The following VPS13B variants were observed in gnomAD, a reference collection of about 807,000 sequenced individuals.
VPS13B encodes vacuolar protein sorting 13 homolog B, also known as intermembrane lipid transfer protein VPS13B.
In VPS13B, 285 loss-of-function variants were observed where a neutral mutation model predicts 426.4. The observed-to-expected ratio is 0.67, with a 90% CI of 0.61 to 0.74. The LOEUF is 0.74. Ranked by LOEUF, VPS13B falls within the 30% of genes least tolerant of loss-of-function variation. VPS13B has a pLI of 0.00. For synonymous variants in VPS13B, 1,676 were observed against 1,676.4 expected, an observed-to-expected ratio of 1.00 and a Z score of 0.01; for missense variants, 4,537 against 4,782.6, an observed-to-expected ratio of 0.95 and a Z score of 1.51.
chr8:99,693,469 G>GA (rs1831784496), intron 35 of VPS13B, among the ~76,000 whole-genome samples: 1 of 115,436 alleles, frequency 8.7e-6, no homozygotes, highest in Non-Finnish European at 1.8e-5. Flanking sequence ...AATAGATGCA[G>GA]AAAAAGCCTT....
chr8:99,538,113 T>G (rs1823356792), intron 30 of VPS13B, among the ~76,000 whole-genome samples: 1 of 152,136 alleles, frequency 6.6e-6, no homozygotes, highest in African/African-American at 2.4e-5. Flanking sequence ...TTCCCACAAT[T>G]ACCTGTGGGT....
chr8:99,739,282 G>T (rs972353504), intron 39 of VPS13B, among the ~76,000 whole-genome samples: 2 of 152,182 alleles, frequency 1.3e-5, no homozygotes, highest in Non-Finnish European at 2.9e-5. Context: ...GGGGAGGGGC[G>T]CCCGCCATTG....
intron 19 of VPS13B, among the ~76,000 whole-genome samples, chr8:99,314,170 C>T (rs1228918241): frequency 1.3e-5 from 2 of 152,118 alleles, no homozygotes; most frequent in Non-Finnish European, 2.9e-5. Flanking sequence ...GCTGCACCCA[C>T]TGTCCTGCCC....
At chr8:99,829,757 T>G (rs892405174) in intron 51 of VPS13B, among the ~76,000 whole-genome samples, 1 of 152,256 alleles carries the variant, frequency 6.6e-6, no homozygotes, top group African/African-American at 2.4e-5. Context: ...TCTTTGATGC[T>G]GGTGACCTTC....
intron 12 of VPS13B, among the ~76,000 whole-genome samples, chr8:99,140,427 T>A (rs764234399): frequency 3.3e-5 from 5 of 151,930 alleles, no homozygotes; most frequent in Non-Finnish European, 7.4e-5. Context: ...CTTCTATTAT[T>A]TATTTTTCTT....
intron 21 of VPS13B, among the ~76,000 whole-genome samples, chr8:99,413,893 T>C (rs1182067552): frequency 6.6e-6 from 1 of 152,196 alleles, no homozygotes; most frequent in Non-Finnish European, 1.5e-5. Flanking sequence ...CTGAAAAGAA[T>C]GTATATTCTG....
chr8:99,234,396 TC>T (rs1816523820), intron 17 of VPS13B: 1 of 699,918 alleles, frequency 1.4e-6, no homozygotes, highest in Non-Finnish European at 2.7e-6. Context: ...ATTTTCCTGT[TC>T]CTTAGCTTTT....
intron 23 of VPS13B, among the ~76,000 whole-genome samples, chr8:99,446,480 A>G (rs1466794960): frequency 4.6e-5 from 7 of 152,134 alleles, no homozygotes. Flanking sequence ...GTTTTCTGGC[A>G]TAATCTATTC....
At chr8:99,187,490 C>A (rs997868917) in intron 16 of VPS13B, among the ~76,000 whole-genome samples, 5 of 152,048 alleles carry the variant, frequency 3.3e-5, no homozygotes, top group African/African-American at 1.2e-4. Context: ...TTATTTACTG[C>A]ATATTTATTT....
Position 99,802,700 on chromosome 8 carries a change from C to A in VPS13B, c.7942-6675C>A, listed in dbSNP as rs545083645. Among the ~76,000 whole-genome samples, 8 of 152,250 alleles carry A rather than the reference C, an allele frequency of 5.3e-5. No homozygotes were observed. In the South Asian group the frequency reaches 1.7e-3, roughly 32 times the overall value. ...ACAAAAATGGGGTGTACTGCCCATA[C>A]CTTTTTGTAATGTGTGTTTTTCAAT... On this transcript the variant is annotated intron_variant, in intron 43 of 61. Transcript: ENST00000357162.
chr8:99,202,652 A>T (rs1814399247), intron 17 of VPS13B, among the ~76,000 whole-genome samples: 2 of 152,174 alleles, frequency 1.3e-5, no homozygotes, highest in South Asian at 2.1e-4. Flanking sequence ...TTCTGAAACT[A>T]TTCCAAACAA....
intron 30 of VPS13B, among the ~76,000 whole-genome samples, chr8:99,547,676 A>T (rs1357046707): frequency 1.3e-5 from 2 of 152,066 alleles, no homozygotes; most frequent in African/African-American, 4.8e-5. Context: ...GTTCCTTATG[A>T]TTACATTATC....
intron 44 of VPS13B, among the ~76,000 whole-genome samples, chr8:99,816,751 G>A (rs114144497): frequency 0.015 from 2,215 of 152,128 alleles, 61 homozygotes; most frequent in African/African-American, 0.051. Flanking sequence ...ACTGCAGTGA[G>A]CTGTGATCAT....
chr8:99,515,688 T>C (rs1010701728), intron 29 of VPS13B, among the ~76,000 whole-genome samples: 5 of 152,142 alleles, frequency 3.3e-5, no homozygotes, highest in Non-Finnish European at 7.4e-5. Context: ...TTTTGTGGCT[T>C]GGATGTATGT....
intron 19 of VPS13B, among the ~76,000 whole-genome samples, chr8:99,303,362 T>C (rs113847925): frequency 0.033 from 4,978 of 151,880 alleles, 117 homozygotes; most frequent in Non-Finnish European, 0.048. Flanking sequence ...ATGTCCTCTA[T>C]GGTGCAGATT....
At chr8:99,053,445 A>G (rs1843670742) in intron 3 of VPS13B, among the ~76,000 whole-genome samples, 1 of 151,980 alleles carries the variant, frequency 6.6e-6, no homozygotes, top group Non-Finnish European at 1.5e-5. Flanking sequence ...TTCCTGGTTC[A>G]TCCAGGCCCC....
At chr8:99,119,836 T>C (rs1163183023) in intron 7 of VPS13B, among the ~76,000 whole-genome samples, 2 of 152,204 alleles carry the variant, frequency 1.3e-5, no homozygotes, top group South Asian at 2.1e-4. Context: ...AGAGTAGATA[T>C]GAGTGAATAT....
intron 36 of VPS13B, 64 bp from the exon 37 acceptor site, chr8:99,717,107 G>C (rs1331450593): frequency 5.5e-6 from 8 of 1,465,110 alleles, no homozygotes; most frequent in South Asian, 1.2e-5. Flanking sequence ...AATATAGATA[G>C]TTCTTTCCCA....
intron 36 of VPS13B, among the ~76,000 whole-genome samples, chr8:99,702,579 T>C (rs1588638080): frequency 1.3e-5 from 2 of 152,292 alleles, no homozygotes; most frequent in African/African-American, 2.4e-5. Flanking sequence ...TTTATGTGAA[T>C]CTGCATAACT....
Sources: gnomAD v4.1 joint callset for allele counts (sites outside exome capture counted in the v4.1 genomes callset) on GRCh38, gnomAD v4.1.1 for gene constraint, MANE v1.5 for transcripts, NCBI Gene and HGNC (gene_info 2026-07-23, HGNC 2026-07-21) for gene names.